PRDM16: variants seen among roughly 807,000 people sequenced by gnomAD.
PRDM16 encodes PR/SET domain 16.
A neutral mutation model predicts 110.6 loss-of-function variants in PRDM16; 23 were observed. The ratio of observed to expected loss-of-function variants is 0.21; its 90% confidence interval spans 0.15 to 0.29. PRDM16 has a LOEUF of 0.29. Ranked by LOEUF, PRDM16 falls within the 10% of genes least tolerant of loss-of-function variation. PRDM16 has a pLI of 1.00. For missense variants in PRDM16, 1,615 were observed against 1,794.3 expected, an observed-to-expected ratio of 0.90 and a Z score of 1.81; for synonymous variants, 799 against 781.8, an observed-to-expected ratio of 1.02 and a Z score of -0.37.
intron 14 of PRDM16, among the ~76,000 whole-genome samples, chr1:3,429,031 G>C (rs1323625192): frequency 6.6e-6 from 1 of 152,242 alleles, no homozygotes; most frequent in African/African-American, 2.4e-5. Flanking sequence ...GGAGGGCCAA[G>C]GGTCACATAG....
chr1:3,334,719 G>A (rs538066129), intron 3 of PRDM16, among the ~76,000 whole-genome samples: 6 of 152,310 alleles, frequency 3.9e-5, no homozygotes, highest in South Asian at 2.1e-4. Context: ...GTTCACCCAC[G>A]TCCTTCTCAC....
intron 3 of PRDM16, among the ~76,000 whole-genome samples, chr1:3,249,542 C>CA (rs982583417): frequency 1.4e-5 from 2 of 141,716 alleles, no homozygotes; most frequent in Non-Finnish European, 1.5e-5. Flanking sequence ...ACTTTATTAC[C>CA]AAAAAAGAAA....
intron 3 of PRDM16, among the ~76,000 whole-genome samples, chr1:3,274,467 T>C (rs921640936): frequency 1.3e-5 from 2 of 152,198 alleles, no homozygotes; most frequent in Non-Finnish European, 2.9e-5. Flanking sequence ...ACTGCTGGCA[T>C]GGGCTCTTAG....
At position 3,339,170 on chromosome 1, in the gene PRDM16, G is replaced by A. The variant is rs1298057006; in HGVS notation, c.439-45982G>A. Among the ~76,000 whole-genome samples the A allele has an allele frequency of 3.9e-5, 6 of 152,146 alleles. No homozygotes were observed. Among genetic ancestry groups the A allele is most frequent in the Non-Finnish European group, 2.9e-5 (2 of 68,028 alleles). ...ATCTCCTGCTCTCTCCTTCTGGAGG[G>A]CAGCTTCCTGGCCACCCTCACCTCC... On this transcript the variant is annotated intron_variant, in intron 3 of 16. Transcript: ENST00000270722. The surrounding 1 kb of genome is among the most constrained non-coding windows in gnomAD (Gnocchi z 5.0).
intron 1 of PRDM16, among the ~76,000 whole-genome samples, chr1:3,082,172 C>T (rs763499986): frequency 1.3e-5 from 2 of 152,044 alleles, no homozygotes; most frequent in Non-Finnish European, 2.9e-5. Flanking sequence ...GCCCGGGGGC[C>T]CTGGTGTGAC....
intron 3 of PRDM16, among the ~76,000 whole-genome samples, chr1:3,296,120 G>A (rs775782304): frequency 4.6e-5 from 7 of 152,328 alleles, no homozygotes; most frequent in Non-Finnish European, 7.3e-5. Flanking sequence ...GATCCACTCC[G>A]AGGGTCTCAC....
intron 3 of PRDM16, among the ~76,000 whole-genome samples, chr1:3,354,403 T>C (rs1642553112): frequency 6.9e-6 from 1 of 144,834 alleles, no homozygotes; most frequent in Non-Finnish European, 1.5e-5. Flanking sequence ...GAGGTTTCAG[T>C]GAGCCGAGAT....
At position 3,436,901 on chromosome 1, in the gene PRDM16, AC is replaced by A. The variant is rs1478174442; in HGVS notation, c.*3095del. ...CCAATGCTAACTCCTTGGATTGTCAACCCCCATCCCCCAAATGGAAATTCCG... is the reference window on the plus strand; with the variant it reads ...CCAATGCTAACTCCTTGGATTGTCAACCCCATCCCCCAAATGGAAATTCCG... On this transcript the variant is annotated 3_prime_UTR_variant, in exon 17 of 17. Transcript: ENST00000270722. The A allele has an allele frequency of 2.6e-5, 6 of 230,752 alleles. No homozygotes were observed. The highest frequency in any genetic ancestry group is 1.8e-4 in the South Asian group (1 of 5,428). The allele number at this position is 230,752 out of a possible 1,614,324, so 14.3% of individuals were successfully genotyped here.
At chr1:3,427,717 A>G (rs1638650140) in intron 14 of PRDM16, among the ~76,000 whole-genome samples, 1 of 152,062 alleles carries the variant, frequency 6.6e-6, no homozygotes. Flanking sequence ...ATCTTCATCC[A>G]TCAGAGCCCA....
At chr1:3,136,886 G>T (rs1226980680) in intron 1 of PRDM16, among the ~76,000 whole-genome samples, 1 of 152,216 alleles carries the variant, frequency 6.6e-6, no homozygotes, top group Non-Finnish European at 1.5e-5. Flanking sequence ...AGCCCCCACT[G>T]GCCAAGATGC....
Position 3,089,903 on chromosome 1 carries a change from G to A in PRDM16, c.37+20607G>A, listed in dbSNP as rs149710996. 5.6e-3 allele frequency among the ~76,000 whole-genome samples: 791 copies of A among 141,642 alleles called. 3 individuals carry two copies. Among genetic ancestry groups the A allele is most frequent in the African/African-American group, 0.01 (368 of 36,088 alleles). The allele number at this position is 141,642 out of a possible 152,430, so 92.9% of individuals were successfully genotyped here. On this transcript the variant is annotated intron_variant, in intron 1 of 16. Transcript: ENST00000270722. ...CTGCTCAGAACCACTGTGACCCAGC[G>A]TCTAAAATCCACTCATTCATTCATT...
At chr1:3,124,383 C>A (rs889838317) in intron 1 of PRDM16, among the ~76,000 whole-genome samples, 1 of 152,222 alleles carries the variant, frequency 6.6e-6, no homozygotes, top group Admixed American at 6.5e-5. Flanking sequence ...TGGTTCTTGG[C>A]CTGGCTGGGC....
intron 1 of PRDM16, among the ~76,000 whole-genome samples, chr1:3,149,620 A>G (rs1643740349): frequency 6.6e-6 from 1 of 152,208 alleles, no homozygotes. Context: ...TTACCACTCA[A>G]TGAGCCAGGC....
At chr1:3,430,741 G>T in intron 14 of PRDM16, 131 bp from the exon 15 acceptor site, 3 of 1,102,594 alleles carry the variant, frequency 2.7e-6, no homozygotes, top group Non-Finnish European at 4.1e-6. Context: ...ACCCGCGGGA[G>T]CTCCCTCAGG....
Position 3,339,248 on chromosome 1 carries a change from G to T in PRDM16, c.439-45904G>T, listed in dbSNP as rs1211615095. ...TGGGATACTGCCCCCGAGGGAGACAGCTCACCCACCCACCACAGTACCATC... is the reference window on the plus strand; with the variant it reads ...TGGGATACTGCCCCCGAGGGAGACATCTCACCCACCCACCACAGTACCATC... On this transcript the variant is annotated intron_variant, in intron 3 of 16. Transcript: ENST00000270722. This position sits in a 1 kb window ranked among gnomAD's most constrained non-coding sequence, Gnocchi z 5.0. Among the ~76,000 whole-genome samples the T allele has an allele frequency of 6.6e-6, 1 of 152,048 alleles. No individual in the cohort carries two copies. The highest frequency in any genetic ancestry group is 1.5e-5 in the Non-Finnish European group (1 of 68,012).
At chr1:3,282,820 A>G (rs905136) in intron 3 of PRDM16, among the ~76,000 whole-genome samples, 33,427 of 152,126 alleles carry the variant, frequency 0.22, 7,899 homozygotes, top group African/African-American at 0.59. Flanking sequence ...CCGTGGCCGG[A>G]GGGGCACGAG....
At chr1:3,176,348 CCT>C (rs1450415587) in intron 1 of PRDM16, among the ~76,000 whole-genome samples, 1 of 101,318 alleles carries the variant, frequency 9.9e-6, no homozygotes, top group Non-Finnish European at 2.2e-5. Flanking sequence ...CCATTCATCC[CCT>C]GTTCTCCTGG....
rs539037552 is a variant in PRDM16 at position 3,394,742 on chromosome 1, C to T, written c.574-1749C>T. Among the ~76,000 whole-genome samples the T allele has an allele frequency of 4.6e-5, 7 of 152,368 alleles. No individual in the cohort carries two copies. The South Asian group carries it at 1.4e-3, about 32-fold the overall frequency. ...GGCACCGCTCAGAGGGTCACCCGGG[C>T]TTTGTCCCAGCTGGCGCTTCTCATC... On this transcript the variant is annotated intron_variant, in intron 4 of 16. Transcript: ENST00000270722.
In PRDM16 at chr1:3,404,110, C is replaced by T. The variant is rs12024810; in HGVS notation, c.885-629C>T. Among the ~76,000 whole-genome samples, 676 of 152,310 alleles carry T rather than the reference C, an allele frequency of 4.4e-3. 12 individuals are homozygous for T. The highest frequency in any genetic ancestry group is 1.5e-3 in the East Asian group (8 of 5,184). ...ATGGATGGCTGGGCCCCGTAATTAA[C>T]GAGCCGTGATATATCACTGCTTTGC... On this transcript the variant is annotated intron_variant, in intron 6 of 16. Coordinates refer to ENST00000270722, the MANE Select transcript of PRDM16 (RefSeq NM_022114.4).
Sources: allele counts gnomAD v4.1 joint callset (sites outside exome capture counted in the v4.1 genomes callset), GRCh38; gene constraint gnomAD v4.1.1; non-coding constraint Gnocchi (gnomAD v3.1); transcripts MANE v1.5; gene names NCBI Gene and HGNC (gene_info 2026-07-23, HGNC 2026-07-21).